The following SLC24A2 variants were observed in gnomAD, a reference collection of about 807,000 sequenced individuals.
SLC24A2 encodes the protein sodium/potassium/calcium exchanger 2.
A neutral mutation model predicts 62.0 loss-of-function variants in SLC24A2; 36 were observed. The observed-to-expected ratio is 0.58, with a 90% CI of 0.44 to 0.77. The LOEUF (loss-of-function observed/expected upper bound fraction) is 0.77, where lower values mean the gene tolerates loss of function less well. SLC24A2 is among the 30% of genes least tolerant of loss of function. SLC24A2 has a pLI of 0.00. For synonymous variants in SLC24A2, 358 were observed against 294.0 expected (o/e 1.22, Z -2.23); for missense variants, 846 against 817.9 (o/e 1.03, Z -0.42).
At chr9:19,961,023 G>GTGTGTGTGT in the SLC24A2 span, among the ~76,000 whole-genome samples, 48 of 141,716 alleles carry the variant, frequency 3.4e-4, 1 homozygote, top group African/African-American at 9.0e-4. Context: ...TAGAGGGGTG[G>GTGTGTGTGT]GTGTGTGTGT....
chr9:19,753,074 C>A (rs140317435), intron 2 of SLC24A2, among the ~76,000 whole-genome samples: 2 of 152,192 alleles, frequency 1.3e-5, no homozygotes, highest in African/African-American at 4.8e-5. Flanking sequence ...AGACCTAGAT[C>A]CACATTTTAT....
At chr9:19,900,545 C>T in the SLC24A2 span, among the ~76,000 whole-genome samples, 3 of 152,178 alleles carry the variant, frequency 2.0e-5, no homozygotes, top group Non-Finnish European at 1.5e-5. Flanking sequence ...GGGAAATTAA[C>T]ATTATCTCTT....
the SLC24A2 span, among the ~76,000 whole-genome samples, chr9:20,211,066 T>A: frequency 6.6e-6 from 1 of 151,872 alleles, no homozygotes; most frequent in East Asian, 1.9e-4. Context: ...TTTTTATTAT[T>A]GCCATTAAAC....
the SLC24A2 span, among the ~76,000 whole-genome samples, chr9:20,043,094 T>G: frequency 1.2e-3 from 179 of 152,300 alleles, no homozygotes; most frequent in Admixed American, 2.3e-3. Context: ...CCTTTCACTT[T>G]AATTCAAAAG....
the SLC24A2 span, among the ~76,000 whole-genome samples, chr9:20,011,142 G>A: frequency 1.3e-5 from 2 of 152,112 alleles, no homozygotes; most frequent in East Asian, 3.9e-4. Context: ...GGATGGCTGG[G>A]TGAAATGGTA....
intron 8 of SLC24A2, among the ~76,000 whole-genome samples, chr9:19,546,654 C>G (rs1392904929): frequency 6.6e-6 from 1 of 152,102 alleles, no homozygotes; most frequent in African/African-American, 2.4e-5. Flanking sequence ...AGCCAGACCA[C>G]TTGGCTCCCT....
chr9:19,831,290 G>A, the SLC24A2 span, among the ~76,000 whole-genome samples: 1 of 152,116 alleles, frequency 6.6e-6, no homozygotes, highest in Non-Finnish European at 1.5e-5. Flanking sequence ...GGCTGCCAGG[G>A]GAGAGTGCCC....
chr9:20,066,041 G>A, the SLC24A2 span, among the ~76,000 whole-genome samples: 1 of 152,254 alleles, frequency 6.6e-6, no homozygotes, highest in East Asian at 1.9e-4. Flanking sequence ...AACCTTCAGA[G>A]GGTTTGCAGC....
chr9:19,964,353 A>G, the SLC24A2 span, among the ~76,000 whole-genome samples: 1 of 152,088 alleles, frequency 6.6e-6, no homozygotes, highest in Non-Finnish European at 1.5e-5. Flanking sequence ...CATGTACCCT[A>G]AAACTTAAAG....
rs907260436 is a variant in SLC24A2, at chr9:19,514,942, C to T, written c.*1211G>A. ...TAATGATTTCTTCAGACACTAAAGC[C>T]CTTTATGACTACACTGGAAAACGTT... is the stretch of plus-strand genomic sequence containing the variant. On this transcript the variant is annotated 3_prime_UTR_variant, in exon 11 of 11. Transcript: ENST00000341998. 6.6e-6 allele frequency: 1 copy of T among 152,128 alleles called. No homozygotes were observed. Among genetic ancestry groups the T allele is most frequent in the Admixed American group, 6.5e-5 (1 of 15,274 alleles). The allele number at this position is 152,128 out of a possible 1,614,324, so 9.4% of individuals were successfully genotyped here.
At chr9:20,193,070 A>G in the SLC24A2 span, among the ~76,000 whole-genome samples, 1 of 152,210 alleles carries the variant, frequency 6.6e-6, no homozygotes, top group African/African-American at 2.4e-5. Flanking sequence ...TCAGAATTAA[A>G]TAAAAGTAGC....
chr9:20,147,020 C>T, the SLC24A2 span, among the ~76,000 whole-genome samples: 3 of 152,046 alleles, frequency 2.0e-5, no homozygotes, highest in Non-Finnish European at 4.4e-5. Context: ...TAAAGAATAA[C>T]GTACAACCCC....
chr9:19,615,907 C>T (rs977796774), intron 4 of SLC24A2, among the ~76,000 whole-genome samples: 1 of 151,712 alleles, frequency 6.6e-6, no homozygotes, highest in Admixed American at 6.6e-5. Context: ...ACAAGCCCTA[C>T]CAGAAACTGA....
At chr9:20,019,303 G>T in the SLC24A2 span, among the ~76,000 whole-genome samples, 1 of 147,650 alleles carries the variant, frequency 6.8e-6, no homozygotes, top group South Asian at 2.1e-4. Context: ...AAGAAAGAAA[G>T]AAAGAAAGAA....
In SLC24A2 at chr9:19,513,124, T is replaced by C. The variant is rs374136315; in HGVS notation, c.*3029A>G. The C allele has an allele frequency of 3.1e-4, 46 of 147,104 alleles. No individual in the cohort carries two copies. Among genetic ancestry groups the C allele is most frequent in the African/African-American group, 1.1e-3 (45 of 39,412 alleles). 9.1% of individuals were successfully genotyped at this position (147,104 alleles called of 1,614,324 possible). A position where few individuals can be genotyped will look rare whatever the true frequency, so the allele number is the denominator to read the frequency against. On this transcript the variant is annotated 3_prime_UTR_variant, in exon 11 of 11. Transcript: ENST00000341998. Reference sequence around the variant, plus strand: ...CAGAGGGTGATGATGTAAGTCATATTATATGTGTACATATAGATCTGGTAT... The same window carrying C: ...CAGAGGGTGATGATGTAAGTCATATCATATGTGTACATATAGATCTGGTAT...
At chr9:20,258,595 A>ACCTC in the SLC24A2 span, among the ~76,000 whole-genome samples, 7 of 152,170 alleles carry the variant, frequency 4.6e-5, no homozygotes, top group Admixed American at 2.0e-4. Context: ...GGGCTCTGGG[A>ACCTC]CTCATACCAG....
At chr9:20,259,717 T>G in the SLC24A2 span, among the ~76,000 whole-genome samples, 1 of 152,094 alleles carries the variant, frequency 6.6e-6, no homozygotes, top group South Asian at 2.1e-4. Context: ...ATTCAAACAG[T>G]CCCCAATAGC....
At chr9:20,177,732 T>C in the SLC24A2 span, among the ~76,000 whole-genome samples, 1 of 152,114 alleles carries the variant, frequency 6.6e-6, no homozygotes, top group African/African-American at 2.4e-5. Context: ...AAAGAAAACA[T>C]GCAAGACAAG....
intron 8 of SLC24A2, among the ~76,000 whole-genome samples, chr9:19,540,548 G>C (rs1023721981): frequency 1.3e-5 from 2 of 149,316 alleles, no homozygotes; most frequent in Non-Finnish European, 3.0e-5. Context: ...CTCTCTTCTG[G>C]CTTGTAGGGT....
Sources: gnomAD v4.1 joint callset for allele counts (sites outside exome capture counted in the v4.1 genomes callset) on GRCh38, gnomAD v4.1.1 for gene constraint, MANE v1.5 for transcripts, NCBI Gene and HGNC (gene_info 2026-07-23, HGNC 2026-07-21) for gene names.